PALM: variants seen among roughly 807,000 people sequenced by gnomAD.
PALM encodes paralemmin-1.
In PALM, 18 loss-of-function variants were observed where a neutral mutation model predicts 30.7. That is an observed-to-expected ratio of 0.59 (90% CI 0.41 to 0.87). The LOEUF is 0.87. PALM is among the 40% of genes least tolerant of loss of function. The pLI is 0.00. For synonymous variants in PALM, 286 were observed against 242.8 expected (o/e 1.18, Z -1.66); for missense variants, 529 against 555.4 (o/e 0.95, Z 0.48).
At chr19:736,158 C>CCGGGGGGGCGGGGGGGGGG in intron 7 of PALM, 80 bp downstream of exon 7, 1 of 500,698 alleles carries the variant, frequency 2.0e-6, no homozygotes, top group Non-Finnish European at 3.8e-6. Context: ...CCGGGTGGGG[C>CCGGGGGGGCGGGGGGGGGG]GGGGGCGACA....
In PALM at chr19:742,616, A is replaced by AAAAAG. The variant is rs59695010; in HGVS notation, c.634+2136_634+2137insAGAAA. 0.07 allele frequency among the ~76,000 whole-genome samples: 10,344 copies of AAAAAG among 147,724 alleles called. 568 individuals carry two copies. The highest frequency in any genetic ancestry group is 0.17 in the South Asian group (818 of 4,676). ...GTGAAACTCTGTCTCAAAAAAAAAA[A>AAAAAG]AAAGAAAGAAAAGAGAATAAATGGG... On this transcript the variant is annotated intron_variant, in intron 8 of 8. Coordinates refer to ENST00000338448, the MANE Select transcript of PALM (RefSeq NM_002579.3). This position sits in a 1 kb window ranked among gnomAD's most constrained non-coding sequence, Gnocchi z 5.5.
chr19:741,481 A>AG (rs1394971341), intron 8 of PALM, among the ~76,000 whole-genome samples: 2 of 71,804 alleles, frequency 2.8e-5, no homozygotes, highest in African/African-American at 1.1e-4. Context: ...GACGGGCTGC[A>AG]GGGGTGAGGG....
At chr19:719,333 G>C (rs2032376570) in intron 1 of PALM, 1 of 985,338 alleles carries the variant, frequency 1.0e-6, no homozygotes, top group African/African-American at 1.7e-5. Context: ...CGTCGGGTTT[G>C]GGCCTCATGA....
chr19:710,445 T>TCGCCAGG (rs1568216114), intron 1 of PALM, among the ~76,000 whole-genome samples: 8 of 151,954 alleles, frequency 5.3e-5, no homozygotes, highest in Middle Eastern at 3.4e-3. Flanking sequence ...TCTGCCCTGC[T>TCGCCAGG]CGCCAGGCCC....
chr19:729,999 C>G (rs1190128531), intron 4 of PALM, among the ~76,000 whole-genome samples: 1 of 152,220 alleles, frequency 6.6e-6, no homozygotes, highest in Non-Finnish European at 1.5e-5. Context: ...GGGTGAAGAC[C>G]TGGCTTGAGG....
intron 5 of PALM, among the ~76,000 whole-genome samples, chr19:733,455 G>A (rs1331066573): frequency 1.3e-5 from 2 of 152,198 alleles, no homozygotes; most frequent in Admixed American, 1.3e-4. Flanking sequence ...GAAGACCAGG[G>A]ATGCCAGGGC....
At chr19:743,945 C>T (rs984576666) in intron 8 of PALM, among the ~76,000 whole-genome samples, 46 of 152,172 alleles carry the variant, frequency 3.0e-4, no homozygotes, top group Admixed American at 1.7e-3. Flanking sequence ...AAGTGACCAC[C>T]GTGGCCCAGG....
At chr19:745,616 AC>A (rs2033314919) in intron 8 of PALM, among the ~76,000 whole-genome samples, 1 of 150,938 alleles carries the variant, frequency 6.6e-6, no homozygotes, top group Non-Finnish European at 1.5e-5. Context: ...AATTGCTTGA[AC>A]TAGGGAGGCG....
chr19:742,376 G>A lies in PALM; in HGVS notation c.634+1893G>A, dbSNP rs1376579508. 2.0e-5 allele frequency among the ~76,000 whole-genome samples: 3 copies of A among 152,074 alleles called. No individual in the cohort carries two copies. Among genetic ancestry groups the A allele is most frequent in the South Asian group, 2.1e-4 (1 of 4,814 alleles). On this transcript the variant is annotated intron_variant, in intron 8 of 8. Coordinates refer to ENST00000338448, the MANE Select transcript of PALM (RefSeq NM_002579.3). This position sits in a 1 kb window ranked among gnomAD's most constrained non-coding sequence, Gnocchi z 5.5. ...TCCCGGCACTTTGGGAGGCCGAGGC[G>A]GGTGGATCACCTGAGGTCAGGAGTT... is the stretch of plus-strand genomic sequence containing the variant.
intron 7 of PALM, among the ~76,000 whole-genome samples, chr19:739,589 G>A (rs557616109): frequency 6.6e-6 from 1 of 152,280 alleles, no homozygotes; most frequent in African/African-American, 2.4e-5. Flanking sequence ...GCTGAGGTGG[G>A]AGAATGGGGT....
At chr19:719,297 C>T in intron 1 of PALM, 2 of 985,416 alleles carry the variant, frequency 2.0e-6, no homozygotes, top group Non-Finnish European at 2.4e-6. Flanking sequence ...CAACGCCCCG[C>T]ACCGCGGAGG....
chr19:738,840 C>T (rs976133133), intron 7 of PALM, among the ~76,000 whole-genome samples: 2 of 152,198 alleles, frequency 1.3e-5, no homozygotes, highest in African/African-American at 4.8e-5. Context: ...GGGCTGCCCA[C>T]GATGGGGACC....
intron 8 of PALM, among the ~76,000 whole-genome samples, chr19:741,614 C>G (rs1016014767): frequency 6.6e-6 from 1 of 151,680 alleles, no homozygotes; most frequent in Non-Finnish European, 1.5e-5. Flanking sequence ...GCTGGGCTCA[C>G]GCAGGGAGGA....
rs377547906 is a variant in PALM at position 742,605 on chromosome 19, C to G, written c.634+2122C>G. ...GTGCGACAAGAGTGAAACTCTGTCTCAAAAAAAAAAAAAAGAAAGAAAAGA... is the reference window on the plus strand; with the variant it reads ...GTGCGACAAGAGTGAAACTCTGTCTGAAAAAAAAAAAAAAGAAAGAAAAGA... On this transcript the variant is annotated intron_variant, in intron 8 of 8. Transcript: ENST00000338448. This position sits in a 1 kb window ranked among gnomAD's most constrained non-coding sequence, Gnocchi z 5.5. Among the ~76,000 whole-genome samples, 41 of 57,660 alleles carry G rather than the reference C, an allele frequency of 7.1e-4. No individual in the cohort carries two copies. The highest frequency in any genetic ancestry group is 2.1e-4 in the Non-Finnish European group (5 of 23,650). The allele number at this position is 57,660 out of a possible 152,430, so 37.8% of individuals were successfully genotyped here.
intron 1 of PALM, among the ~76,000 whole-genome samples, chr19:725,853 T>C (rs939007302): frequency 6.6e-6 from 1 of 152,160 alleles, no homozygotes; most frequent in African/African-American, 2.4e-5. Context: ...TGGCCTTTGA[T>C]GCCTGGTGAA....
At chr19:711,094 A>C (rs868777997) in intron 1 of PALM, 19 of 618,020 alleles carry the variant, frequency 3.1e-5, no homozygotes, top group Non-Finnish European at 3.8e-5. Context: ...TGAATTTAAG[A>C]ATTTAAAGAA....
chr19:737,895 G>T lies in PALM; in HGVS notation c.502+1817G>T, dbSNP rs2033070093. On this transcript the variant is annotated intron_variant, in intron 7 of 8. Transcript: ENST00000338448. ...AGGGAGGCAGGAACCATGGGGGGCT[G>T]CAGGCAAAGCCGGGACTGCCCCGAC... 2.6e-5 allele frequency among the ~76,000 whole-genome samples: 4 copies of T among 152,182 alleles called. No homozygotes were observed. In the South Asian group the frequency reaches 6.2e-4, roughly 24 times the overall value.
At chr19:726,894 C>T (rs935614925) in intron 2 of PALM, 114 bp from the exon 3 acceptor site, 24 of 679,808 alleles carry the variant, frequency 3.5e-5, no homozygotes, top group Admixed American at 2.2e-4. Flanking sequence ...CAGTGGGCCA[C>T]GAGGATCCCC....
intron 3 of PALM, 84 bp downstream of exon 3, chr19:727,172 T>TGACCCC: frequency 1.1e-6 from 1 of 905,270 alleles, no homozygotes; most frequent in South Asian, 1.5e-5. Flanking sequence ...ACCCTGACCC[T>TGACCCC]GACCCCAATC....
Sources: gnomAD v4.1 joint callset for allele counts (sites outside exome capture counted in the v4.1 genomes callset) on GRCh38, gnomAD v4.1.1 for gene constraint, Gnocchi (gnomAD v3.1) non-coding constraint, MANE v1.5 for transcripts, NCBI Gene and HGNC (gene_info 2026-07-23, HGNC 2026-07-21) for gene names.